Variants in ZNF385C observed in about 807,000 individuals in gnomAD.
The protein encoded by ZNF385C is CTD-2132N18.2.
Under a neutral mutation model 35.4 loss-of-function variants are expected in ZNF385C, and 28 were observed. That is an observed-to-expected ratio of 0.79 (90% CI 0.59 to 1.08). ZNF385C has a LOEUF of 1.08. ZNF385C is among the 50% of genes least tolerant of loss of function. The pLI, the probability that ZNF385C is intolerant of heterozygous loss-of-function variation, is 0.00. For synonymous variants in ZNF385C, 248 were observed against 248.2 expected (o/e 1.00, Z 0.01); for missense variants, 605 against 595.6 (o/e 1.02, Z -0.16).
chr17:42,051,688 C>T lies in ZNF385C; in HGVS notation c.250+11119G>A, dbSNP rs1598192155. Reference sequence around the variant, plus strand: ...ACCCAGTCTCCCCTTCCAGACAGCACAAAGTCACCCAGAAATGCCTTCCAG... The same window carrying T: ...ACCCAGTCTCCCCTTCCAGACAGCATAAAGTCACCCAGAAATGCCTTCCAG... On this transcript the variant is annotated intron_variant, in intron 2 of 8. Transcript: ENST00000692273. Among the ~76,000 whole-genome samples, 4 of 152,288 alleles carry T rather than the reference C, an allele frequency of 2.6e-5. No homozygotes were observed. The South Asian group carries it at 8.3e-4, about 32-fold the overall frequency.
chr17:42,069,767 G>A (rs1555658649), intron 1 of ZNF385C, among the ~76,000 whole-genome samples: 2 of 152,268 alleles, frequency 1.3e-5, no homozygotes, highest in Admixed American at 1.3e-4. Context: ...AGGGGGCCAG[G>A]CGTGGTGGCT....
In ZNF385C at chr17:42,096,147, T is replaced by C. The variant is rs1264441476; in HGVS notation, c.-3+2263A>G. On this transcript the variant is annotated intron_variant, in intron 1 of 8. Coordinates refer to ENST00000692273, the MANE Select transcript of ZNF385C (RefSeq NM_001392013.1). ...CTGCACCACAAGGGACTCTTGTGCATGTATAAGGACACCCAGCCTCATGTC... is the reference window on the plus strand; with the variant it reads ...CTGCACCACAAGGGACTCTTGTGCACGTATAAGGACACCCAGCCTCATGTC... 2.0e-5 allele frequency among the ~76,000 whole-genome samples: 3 copies of C among 152,158 alleles called. No homozygotes were observed. In the South Asian group the frequency reaches 6.2e-4, roughly 32 times the overall value.
intron 1 of ZNF385C, among the ~76,000 whole-genome samples, chr17:42,081,736 C>A (rs1360745044): frequency 6.6e-6 from 1 of 152,102 alleles, no homozygotes; most frequent in African/African-American, 2.4e-5. Flanking sequence ...AAATTCTGCC[C>A]AGGTGATTGA....
At chr17:42,064,536 C>T (rs750181308) in intron 1 of ZNF385C, among the ~76,000 whole-genome samples, 1 of 151,890 alleles carries the variant, frequency 6.6e-6, no homozygotes, top group Non-Finnish European at 1.5e-5. Context: ...GAGGTCATAC[C>T]GGTGGGCCCT....
rs1348905269 is a variant in ZNF385C at position 42,087,404 on chromosome 17, C to CCA, written c.-3+11004_-3+11005dup. Among the ~76,000 whole-genome samples the CCA allele has an allele frequency of 3.3e-5, 5 of 152,184 alleles. No homozygotes were observed. The East Asian group carries it at 9.6e-4, about 29-fold the overall frequency. On this transcript the variant is annotated intron_variant, in intron 1 of 8. Coordinates refer to ENST00000692273, the MANE Select transcript of ZNF385C (RefSeq NM_001392013.1). ...ATCAGCATTTGGCTTTTAAATACAA[C>CCA]CAGGCAGCTGATTTATGACCAAAAG...
chr17:42,040,035 G>T, intron 2 of ZNF385C: 1 of 1,231,038 alleles, frequency 8.1e-7, no homozygotes, highest in African/African-American at 1.6e-5. Flanking sequence ...CGAATACTAC[G>T]CGCTTAAACA....
At chr17:42,034,109 C>T (rs540001774) in intron 4 of ZNF385C, 116 bp downstream of exon 4, 205 of 825,068 alleles carry the variant, frequency 2.5e-4, no homozygotes, top group Non-Finnish European at 3.8e-4. Flanking sequence ...GTGGAAAATA[C>T]CGACCACAGC....
At chr17:42,053,412 C>G (rs10852950) in intron 2 of ZNF385C, among the ~76,000 whole-genome samples, 110,359 of 151,960 alleles carry the variant, frequency 0.73, 42,506 homozygotes, top group Non-Finnish European at 0.84. Context: ...TTCTGTCCCC[C>G]TCTGTCTGCT....
intron 7 of ZNF385C, 75 bp downstream of exon 7, chr17:42,027,975 G>A (rs782152611): frequency 1.9e-6 from 3 of 1,546,806 alleles, no homozygotes; most frequent in Non-Finnish European, 2.7e-6. Flanking sequence ...TCTCTTCAGG[G>A]TCCCTCCCTC....
At chr17:42,097,009 C>A (rs531631435) in intron 1 of ZNF385C, among the ~76,000 whole-genome samples, 1 of 151,988 alleles carries the variant, frequency 6.6e-6, no homozygotes, top group Non-Finnish European at 1.5e-5. Flanking sequence ...TCCACTCCCC[C>A]CTCCCCTGCT....
chr17:42,075,511 T>G, intron 1 of ZNF385C, among the ~76,000 whole-genome samples: 1 of 150,568 alleles, frequency 6.6e-6, no homozygotes, highest in South Asian at 2.1e-4. Flanking sequence ...TTTTTTTTTT[T>G]TCTGATGGAG....
rs1555655648 is a variant in ZNF385C at position 42,037,882 on chromosome 17, C to T, written c.254G>A (p.Gly85Asp). The T allele has an allele frequency of 2.6e-6, 4 of 1,528,106 alleles. No individual in the cohort carries two copies. Among genetic ancestry groups the T allele is most frequent in the Middle Eastern group, 1.8e-4 (1 of 5,698 alleles). 94.7% of individuals were successfully genotyped at this position (1,528,106 alleles called of 1,614,324 possible). Residue 85 changes from glycine (G) to aspartate (D), a missense_variant, in exon 3 of 9, where the codon GGC becomes GAC. Transcript: ENST00000692273. ...SLGKSPSGPA[G>D]PASGAPSPLL... ...GGGGCTGGGGGCGCCGGAGGCCGGG[C>T]CTGCTGCAGGAGGAAGAAGGGCAGG...
intron 1 of ZNF385C, among the ~76,000 whole-genome samples, chr17:42,070,483 TTAGCCTGGGAGAAAGG>T (rs2053608812): frequency 6.6e-6 from 1 of 152,212 alleles, no homozygotes; most frequent in African/African-American, 2.4e-5. Context: ...TGATTCTGCC[TTAGCCTGGGAGAAAGG>T]CAGGGTGGGT....
At chr17:42,036,204 G>T (rs1199722814) in intron 3 of ZNF385C, among the ~76,000 whole-genome samples, 1 of 151,960 alleles carries the variant, frequency 6.6e-6, no homozygotes, top group African/African-American at 2.4e-5. Flanking sequence ...CATCTCTGTT[G>T]GCCAGGCTAG....
intron 4 of ZNF385C, among the ~76,000 whole-genome samples, chr17:42,032,815 C>T (rs554901015): frequency 6.6e-6 from 1 of 151,364 alleles, no homozygotes; most frequent in African/African-American, 2.4e-5. Flanking sequence ...TGGGTTCAAG[C>T]GATTCTCCTG....
intron 2 of ZNF385C, among the ~76,000 whole-genome samples, chr17:42,053,370 G>A (rs1207282350): frequency 6.6e-6 from 1 of 152,130 alleles, no homozygotes; most frequent in Non-Finnish European, 1.5e-5. Flanking sequence ...CCCCAGTGCA[G>A]TGGCTGGATC....
chr17:42,040,615 G>A, intron 2 of ZNF385C: 2 of 1,232,362 alleles, frequency 1.6e-6, no homozygotes, highest in South Asian at 8.2e-5. Flanking sequence ...CTCCAGGGTG[G>A]GCACCAGGCC....
intron 2 of ZNF385C, among the ~76,000 whole-genome samples, chr17:42,053,295 C>T (rs182884464): frequency 2.6e-4 from 39 of 152,260 alleles, no homozygotes; most frequent in African/African-American, 8.4e-4. Context: ...GCCAGGCAAC[C>T]GTCTGTGTGG....
intron 3 of ZNF385C, among the ~76,000 whole-genome samples, chr17:42,036,156 G>C (rs184615873): frequency 3.9e-4 from 59 of 151,732 alleles, no homozygotes; most frequent in Non-Finnish European, 6.6e-4. Flanking sequence ...TACCATGCTC[G>C]GCTAATTTTT....
Sources: gnomAD v4.1 joint callset for allele counts (sites outside exome capture counted in the v4.1 genomes callset) on GRCh38, gnomAD v4.1.1 for gene constraint, MANE v1.5 for transcripts, NCBI Gene and HGNC (gene_info 2026-07-23, HGNC 2026-07-21) for gene names.